Variants in MAN1A1 observed in about 807,000 individuals in gnomAD.
MAN1A1 encodes the protein mannosyl-oligosaccharide 1,2-alpha-mannosidase IA.
MAN1A1 carries 29 observed loss-of-function variants against 70.8 expected under a neutral mutation model. The observed-to-expected ratio is 0.41, with a 90% CI of 0.31 to 0.56. The LOEUF is 0.56. MAN1A1 is among the 20% of genes least tolerant of loss of function. MAN1A1 has a pLI of 0.29. For synonymous variants in MAN1A1, 349 were observed against 330.1 expected, an observed-to-expected ratio of 1.06 and a Z score of -0.62; for missense variants, 747 against 841.3, an observed-to-expected ratio of 0.89 and a Z score of 1.39.
In MAN1A1 at chr6:119,337,077, T is replaced by C. The variant is rs1016745739; in HGVS notation, c.603+11386A>G. Among the ~76,000 whole-genome samples, 36 of 152,216 alleles carry C rather than the reference T, an allele frequency of 2.4e-4. 1 individual carries two copies. The highest frequency in any genetic ancestry group is 8.2e-4 in the African/African-American group (34 of 41,464). ...TACATTTATTTCAGCAGTGTTGTAT[T>C]TGGTCAAAAGACTTTTTTTTGTTTT... On this transcript the variant is annotated intron_variant, in intron 2 of 12. Coordinates refer to ENST00000368468, the MANE Select transcript of MAN1A1 (RefSeq NM_005907.4).
At chr6:119,302,899 A>G (rs1432878178) in intron 3 of MAN1A1, among the ~76,000 whole-genome samples, 11 of 152,262 alleles carry the variant, frequency 7.2e-5, no homozygotes, top group Non-Finnish European at 5.9e-5. Flanking sequence ...ATCCCCTACA[A>G]GTCCTGACCT....
chr6:119,303,895 C>T (rs1214608590), intron 3 of MAN1A1, among the ~76,000 whole-genome samples: 1 of 152,188 alleles, frequency 6.6e-6, no homozygotes, highest in Non-Finnish European at 1.5e-5. Context: ...GAGGAGTAAG[C>T]CTGCCACTCC....
At chr6:119,319,406 ATTC>A (rs1235096801) in intron 2 of MAN1A1, among the ~76,000 whole-genome samples, 1 of 150,552 alleles carries the variant, frequency 6.6e-6, no homozygotes, top group African/African-American at 2.4e-5. Context: ...CATCATCATC[ATTC>A]ATTCTATTGT....
chr6:119,261,140 G>A (rs55778105), intron 5 of MAN1A1, among the ~76,000 whole-genome samples: 48,704 of 151,368 alleles, frequency 0.32, 8,324 homozygotes, highest in Non-Finnish European at 0.35. Flanking sequence ...CACCATGCCC[G>A]GCTAATTTTT....
At chr6:119,292,829 ACT>A (rs1210706835) in intron 4 of MAN1A1, among the ~76,000 whole-genome samples, 1 of 151,988 alleles carries the variant, frequency 6.6e-6, no homozygotes, top group Non-Finnish European at 1.5e-5. Flanking sequence ...GAGGTCTATC[ACT>A]CTGAATGAAT....
At position 119,338,965 on chromosome 6, in the gene MAN1A1, T is replaced by C. The variant is rs913936460; in HGVS notation, c.603+9498A>G. ...GCCGGCTTGCCAGATCCATCTCCCC[T>C]GGTGGATTTCACTCCTTAGGCCTCC... On this transcript the variant is annotated intron_variant, in intron 2 of 12. Coordinates refer to ENST00000368468, the MANE Select transcript of MAN1A1 (RefSeq NM_005907.4). Among the ~76,000 whole-genome samples, 9 of 152,324 alleles carry C rather than the reference T, an allele frequency of 5.9e-5. 1 individual carries two copies. The South Asian group carries it at 1.0e-3, about 18-fold the overall frequency.
chr6:119,349,545 T>C lies in MAN1A1; in HGVS notation c.-226A>G. 6 of 986,106 alleles carry C rather than the reference T, an allele frequency of 6.1e-6. No individual in the cohort carries two copies. Among genetic ancestry groups the C allele is most frequent in the African/African-American group, 1.7e-5 (1 of 57,366 alleles). The allele number at this position is 986,106 out of a possible 1,614,324, so 61.1% of individuals were successfully genotyped here. A position where few individuals can be genotyped will look rare whatever the true frequency, so the allele number is the denominator to read the frequency against. On this transcript the variant is annotated 5_prime_UTR_variant, in exon 1 of 13. Transcript: ENST00000368468. Reference sequence around the variant, plus strand: ...ACCTCGGGGAGGGGCAGCGCACCTCTGGGCAGGAGGGGCGCAGCGTGGGCG... The same window carrying C: ...ACCTCGGGGAGGGGCAGCGCACCTCCGGGCAGGAGGGGCGCAGCGTGGGCG...
At chr6:119,206,715 A>G (rs924220556) in intron 6 of MAN1A1, among the ~76,000 whole-genome samples, 4 of 152,264 alleles carry the variant, frequency 2.6e-5, no homozygotes, top group Non-Finnish European at 5.9e-5. Context: ...ACATATGGCA[A>G]ATGCACATGG....
At chr6:119,193,697 C>T in intron 9 of MAN1A1, 80 bp downstream of exon 9, 1 of 871,328 alleles carries the variant, frequency 1.1e-6, no homozygotes. Context: ...TGTAGTATAC[C>T]ACTTATTCAT....
chr6:119,225,331 G>T (rs1774479059), intron 6 of MAN1A1, among the ~76,000 whole-genome samples: 1 of 152,070 alleles, frequency 6.6e-6, no homozygotes, highest in African/African-American at 2.4e-5. Flanking sequence ...GATCTTGGGA[G>T]TTTGAGGCTG....
intron 5 of MAN1A1, among the ~76,000 whole-genome samples, chr6:119,264,902 T>C (rs147359791): frequency 3.9e-4 from 60 of 152,306 alleles, no homozygotes; most frequent in Non-Finnish European, 7.1e-4. Flanking sequence ...GGACTGGTGA[T>C]AGGAGGTTAA....
chr6:119,206,545 GAC>G (rs1773865791), intron 6 of MAN1A1, among the ~76,000 whole-genome samples: 1 of 152,058 alleles, frequency 6.6e-6, no homozygotes, highest in South Asian at 2.1e-4. Flanking sequence ...AGAGAAATAA[GAC>G]ACAGAGATCT....
At chr6:119,234,487 C>T (rs1177373458) in intron 6 of MAN1A1, among the ~76,000 whole-genome samples, 1 of 152,002 alleles carries the variant, frequency 6.6e-6, no homozygotes, top group Non-Finnish European at 1.5e-5. Context: ...AATCATGGCT[C>T]ACTGCAGCCT....
intron 2 of MAN1A1, among the ~76,000 whole-genome samples, chr6:119,311,159 T>TA (rs1422485346): frequency 2.0e-5 from 3 of 152,232 alleles, no homozygotes; most frequent in African/African-American, 7.2e-5. Flanking sequence ...GTAAAGAGTT[T>TA]AACATGTTGC....
At chr6:119,217,532 G>A (rs57245659) in intron 6 of MAN1A1, among the ~76,000 whole-genome samples, 80 of 152,206 alleles carry the variant, frequency 5.3e-4, no homozygotes, top group African/African-American at 1.9e-3. Context: ...TGCCTGCCTC[G>A]GCCTCCCAAA....
intron 5 of MAN1A1, among the ~76,000 whole-genome samples, chr6:119,273,196 A>C (rs1775971839): frequency 1.3e-5 from 2 of 152,142 alleles, no homozygotes. Flanking sequence ...TTTTCCTTTA[A>C]TATTTTCTGA....
At chr6:119,199,953 A>T (rs1196564370) in intron 8 of MAN1A1, among the ~76,000 whole-genome samples, 1 of 152,054 alleles carries the variant, frequency 6.6e-6, no homozygotes, top group Non-Finnish European at 1.5e-5. Context: ...AAAAGAAAAA[A>T]TATGAATATT....
chr6:119,350,017 T>C (rs571059896), upstream of MAN1A1, among the ~76,000 whole-genome samples: 1 of 152,234 alleles, frequency 6.6e-6, no homozygotes, highest in African/African-American at 2.4e-5. Context: ...AACCCGTGGC[T>C]GAGGCCCAGC....
In MAN1A1 at chr6:119,331,968, C is replaced by G. The variant is rs774577511; in HGVS notation, c.603+16495G>C. ...TCAACCTCGCAGGAGCTGCTCGACC[C>G]TGGGCAATTTGCTTGCCCCTTCCTG... On this transcript the variant is annotated intron_variant, in intron 2 of 12. Coordinates refer to ENST00000368468, the MANE Select transcript of MAN1A1 (RefSeq NM_005907.4). 5.9e-6 allele frequency: 3 copies of G among 510,918 alleles called. No homozygotes were observed. In the Admixed American group the frequency reaches 6.0e-5, roughly 10 times the overall value. 31.6% of individuals were successfully genotyped at this position (510,918 alleles called of 1,614,324 possible).
Sources: allele counts gnomAD v4.1 joint callset (sites outside exome capture counted in the v4.1 genomes callset), GRCh38; gene constraint gnomAD v4.1.1; transcripts MANE v1.5; gene names NCBI Gene and HGNC (gene_info 2026-07-23, HGNC 2026-07-21).